The following TNR variants were observed in gnomAD, a reference collection of about 807,000 sequenced individuals.
TNR encodes tenascin-R.
A neutral mutation model predicts 150.4 loss-of-function variants in TNR; 45 were observed. That is an observed-to-expected ratio of 0.30 (90% CI 0.24 to 0.38). TNR has a LOEUF of 0.38. TNR is among the 10% of genes least tolerant of loss of function. TNR has a pLI of 1.00. For missense variants in TNR, 1,544 were observed against 1,759.1 expected (o/e 0.88, Z 2.19); for synonymous variants, 687 against 678.4 (o/e 1.01, Z -0.20).
At chr1:175,509,958 C>T (rs1022128690) in intron 2 of TNR, among the ~76,000 whole-genome samples, 11 of 152,136 alleles carry the variant, frequency 7.2e-5, no homozygotes, top group Non-Finnish European at 1.6e-4. Context: ...CATAGTGGCT[C>T]ACACTCATCT....
chr1:175,660,599 C>T lies in TNR; in HGVS notation c.-165+82627G>A, dbSNP rs549204203. ...ACCCTATAGAGGCATAGACTGTCCA[C>T]AAATAAGTTTCCGTCATTCAATATT... On this transcript the variant is annotated intron_variant, in intron 1 of 22. Transcript: ENST00000367674. 2.0e-5 allele frequency among the ~76,000 whole-genome samples: 3 copies of T among 152,308 alleles called. No individual in the cohort carries two copies. The East Asian group carries it at 5.8e-4, about 29-fold the overall frequency.
At chr1:175,604,930 G>A (rs958433741) in intron 1 of TNR, among the ~76,000 whole-genome samples, 3 of 152,194 alleles carry the variant, frequency 2.0e-5, no homozygotes, top group Non-Finnish European at 4.4e-5. Context: ...TTATATCCTA[G>A]AGGAGAGGAG....
At chr1:175,372,860 G>C (rs1652169365) in intron 9 of TNR, among the ~76,000 whole-genome samples, 1 of 152,178 alleles carries the variant, frequency 6.6e-6, no homozygotes, top group Non-Finnish European at 1.5e-5. Flanking sequence ...ACTGAGGTTA[G>C]GGGTGTGATT....
chr1:175,353,259 C>G (rs1271157253), intron 18 of TNR, among the ~76,000 whole-genome samples: 1 of 152,182 alleles, frequency 6.6e-6, no homozygotes, highest in East Asian at 1.9e-4. Flanking sequence ...AGTTACCTCA[C>G]CTCTCTGTGG....
chr1:175,665,142 C>T (rs1477387326), intron 1 of TNR, among the ~76,000 whole-genome samples: 2 of 152,306 alleles, frequency 1.3e-5, no homozygotes, highest in African/African-American at 4.8e-5. Context: ...GAAGAAATAA[C>T]TATAGCACAG....
At position 175,354,455 on chromosome 1, in the gene TNR, C is replaced by T. The variant is rs902113167; in HGVS notation, c.3318G>A (p.Thr1106=). 8.7e-6 allele frequency: 14 copies of T among 1,613,942 alleles called. No individual in the cohort carries two copies. Among genetic ancestry groups the T allele is most frequent in the Admixed American group, 3.3e-5 (2 of 59,998 alleles). ...LEGLLENTDY[T]VLLQAAQDTT... The stretch of plus-strand genomic sequence containing the variant: ...TGTCCTGTGCTGCCTGCAGGAGCAC[C>T]GTGTAGTCTGTGTTCTCCAACAGGC... The change falls in exon 18 of 23, where the codon ACG becomes ACA. Residue 1106 remains threonine, a synonymous_variant. Coordinates refer to ENST00000367674, the MANE Select transcript of TNR (RefSeq NM_003285.3).
intron 2 of TNR, among the ~76,000 whole-genome samples, chr1:175,494,737 G>A (rs1317907390): frequency 6.6e-6 from 1 of 152,182 alleles, no homozygotes; most frequent in African/African-American, 2.4e-5. Flanking sequence ...GGCACACCAT[G>A]TATCTGTTCC....
intron 2 of TNR, among the ~76,000 whole-genome samples, chr1:175,417,020 A>AAAGAAAGG (rs1457591607): frequency 1.1e-4 from 10 of 90,588 alleles, no homozygotes; most frequent in African/African-American, 4.0e-4. Flanking sequence ...AAAAAGAAAG[A>AAAGAAAGG]AAGAAAGAAA....
At chr1:175,347,282 ACTTAG>A (rs1353919197) in intron 18 of TNR, among the ~76,000 whole-genome samples, 1 of 152,194 alleles carries the variant, frequency 6.6e-6, no homozygotes, top group East Asian at 1.9e-4. Context: ...AAAACTCTTA[ACTTAG>A]AAGAAAATTC....
chr1:175,330,376 G>T, intron 20 of TNR, 141 bp from the exon 21 acceptor site: 1 of 898,646 alleles, frequency 1.1e-6, no homozygotes, highest in Non-Finnish European at 1.6e-6. Context: ...GTGCTTCACA[G>T]GTTGTTATCA....
intron 1 of TNR, among the ~76,000 whole-genome samples, chr1:175,558,630 G>A (rs1257032381): frequency 1.3e-5 from 2 of 152,040 alleles, no homozygotes; most frequent in South Asian, 2.1e-4. Context: ...CTGATACACC[G>A]TTATTGATCC....
intron 1 of TNR, among the ~76,000 whole-genome samples, chr1:175,676,098 C>A (rs1256960080): frequency 6.6e-6 from 1 of 152,130 alleles, no homozygotes; most frequent in Non-Finnish European, 1.5e-5. Flanking sequence ...CTGCACTGAG[C>A]TTTACAAATG....
intron 1 of TNR, among the ~76,000 whole-genome samples, chr1:175,678,545 C>T (rs1665935095): frequency 6.6e-6 from 1 of 152,208 alleles, no homozygotes; most frequent in Non-Finnish European, 1.5e-5. Context: ...TCCTGACTCC[C>T]TGCCCTGCCC....
chr1:175,689,857 A>G (rs918020628), intron 1 of TNR, among the ~76,000 whole-genome samples: 4 of 152,164 alleles, frequency 2.6e-5, no homozygotes, highest in Non-Finnish European at 5.9e-5. Context: ...CCTTTTCTCC[A>G]ATACCTGAGG....
rs572777724 is a variant in TNR at position 175,357,956 on chromosome 1, T to C, written c.2975-1494A>G. Among the ~76,000 whole-genome samples, 4 of 152,346 alleles carry C rather than the reference T, an allele frequency of 2.6e-5. No individual in the cohort carries two copies. The South Asian group carries it at 8.3e-4, about 32-fold the overall frequency. ...CTCTGTTAGAGCTGTGTGTTTAGTG[T>C]CTGTGAGCAGATGTGTCTGACTGCC... On this transcript the variant is annotated intron_variant, in intron 15 of 22. Transcript: ENST00000367674.
At chr1:175,714,463 C>A (rs1667098450) in intron 1 of TNR, among the ~76,000 whole-genome samples, 1 of 152,190 alleles carries the variant, frequency 6.6e-6, no homozygotes. Flanking sequence ...CCTCCCTCAC[C>A]CCAGCTGGCA....
At chr1:175,395,007 T>G (rs1653359197) in intron 5 of TNR, among the ~76,000 whole-genome samples, 1 of 151,976 alleles carries the variant, frequency 6.6e-6, no homozygotes, top group Non-Finnish European at 1.5e-5. Flanking sequence ...CCTGCCTCTC[T>G]GCACAATCAT....
At chr1:175,553,170 T>C (rs917409373) in intron 1 of TNR, among the ~76,000 whole-genome samples, 2 of 152,162 alleles carry the variant, frequency 1.3e-5, no homozygotes, top group African/African-American at 4.8e-5. Flanking sequence ...AAAGAAATGG[T>C]GGAAAAAATG....
rs1229373361 is a variant in TNR at position 175,324,522 on chromosome 1, G to A, written c.3794-3C>T. The A allele has an allele frequency of 6.2e-7, 1 of 1,608,908 alleles. No homozygotes were observed. Among genetic ancestry groups the A allele is most frequent in the Admixed American group, 1.7e-5 (1 of 58,554 alleles). On this transcript the variant is annotated splice_region_variant and splice_polypyrimidine_tract_variant and intron_variant, in intron 21 of 22. Coordinates refer to ENST00000367674, the MANE Select transcript of TNR (RefSeq NM_003285.3). ...TTGATGATAGCTGAGGGAGTCCCCT[G>A]CAAAAAAGATACATTCATTAGGCTG... is the stretch of plus-strand genomic sequence containing the variant.
Sources: gnomAD v4.1 joint callset for allele counts (sites outside exome capture counted in the v4.1 genomes callset) on GRCh38, gnomAD v4.1.1 for gene constraint, MANE v1.5 for transcripts, NCBI Gene and HGNC (gene_info 2026-07-23, HGNC 2026-07-21) for gene names.